PCDHGA3: variants seen among roughly 807,000 people sequenced by gnomAD.
The protein encoded by PCDHGA3 is protocadherin gamma-A3.
PCDHGA3 carries 40 observed loss-of-function variants against 58.5 expected under a neutral mutation model. The observed-to-expected ratio is 0.68, with a 90% CI of 0.53 to 0.89. The LOEUF (loss-of-function observed/expected upper bound fraction) is 0.89. Among genes scored for constraint, PCDHGA3 ranks in the 40% least tolerant of loss-of-function variants. The probability of loss-of-function intolerance (pLI) is 0.00; values close to 1 mark genes in which losing one functional copy is unlikely to be tolerated. For missense variants in PCDHGA3, 1,223 were observed against 1,195.9 expected (o/e 1.02, Z -0.33); for synonymous variants, 530 against 525.7 (o/e 1.01, Z -0.11).
intron 1 of PCDHGA3, chr5:141,478,285 T>G (rs1468354835): frequency 6.2e-7 from 1 of 1,614,040 alleles, no homozygotes; most frequent in Non-Finnish European, 8.5e-7. Context: ...GGAAGCAGTC[T>G]AGAGACCTAT....
At chr5:141,423,076 C>A in intron 1 of PCDHGA3, 1 of 1,614,128 alleles carries the variant, frequency 6.2e-7, no homozygotes, top group Non-Finnish European at 8.5e-7. Context: ...CGAGCCGGGA[C>A]TCTTCGCGGT....
rs556498014 is a variant in PCDHGA3, at chr5:141,368,537, TC to T, written c.2424+22082del. On this transcript the variant is annotated intron_variant, in intron 1 of 3. Coordinates refer to ENST00000253812, the MANE Select transcript of PCDHGA3 (RefSeq NM_018916.4). ...TCACTCCTATGTGAAAACTTGCTTT[TC>T]CATTTTTTTTAAAAGAAAATGTTAT... Among the ~76,000 whole-genome samples the T allele has an allele frequency of 2.0e-3, 312 of 152,342 alleles. 1 individual carries two copies. Among genetic ancestry groups the T allele is most frequent in the Middle Eastern group, 0.01 (3 of 294 alleles).
intron 1 of PCDHGA3, chr5:141,351,711 C>T (rs754862766): frequency 1.2e-6 from 2 of 1,613,916 alleles, no homozygotes; most frequent in Non-Finnish European, 1.7e-6. Flanking sequence ...GGCAGAGTCT[C>T]CTACTCTATT....
At chr5:141,361,317 G>A in intron 1 of PCDHGA3, 2 of 1,613,944 alleles carry the variant, frequency 1.2e-6, no homozygotes, top group Non-Finnish European at 8.5e-7. Flanking sequence ...AGTTTATTTT[G>A]AAATCTTCCT....
chr5:141,409,906 T>G (rs779572711), intron 1 of PCDHGA3: 2 of 1,613,096 alleles, frequency 1.2e-6, no homozygotes, highest in African/African-American at 2.7e-5. Flanking sequence ...CAGCTCTGGG[T>G]CCTGACGGCT....
At chr5:141,463,402 T>C (rs1214124103) in intron 1 of PCDHGA3, among the ~76,000 whole-genome samples, 1 of 149,978 alleles carries the variant, frequency 6.7e-6, no homozygotes, top group African/African-American at 2.5e-5. Context: ...GCAAAAAAAA[T>C]GGAGATCCTA....
intron 1 of PCDHGA3, chr5:141,360,493 G>C: frequency 6.2e-7 from 1 of 1,613,892 alleles, no homozygotes; most frequent in Non-Finnish European, 8.5e-7. Flanking sequence ...TTTCTACATA[G>C]CAGTAATTGT....
At chr5:141,407,117 C>T (rs1412216570) in intron 1 of PCDHGA3, among the ~76,000 whole-genome samples, 1 of 152,098 alleles carries the variant, frequency 6.6e-6, no homozygotes, top group African/African-American at 2.4e-5. Flanking sequence ...ATTTGGGTTT[C>T]AGTTGCTTTA....
rs889945954 is a variant in PCDHGA3, at chr5:141,489,368, C to A, written c.2425-5439C>A. The A allele has an allele frequency of 2.5e-6, 4 of 1,613,384 alleles. No homozygotes were observed. Among genetic ancestry groups the A allele is most frequent in the Non-Finnish European group, 3.4e-6 (4 of 1,179,478 alleles). On this transcript the variant is annotated intron_variant, in intron 1 of 3. Coordinates refer to ENST00000253812, the MANE Select transcript of PCDHGA3 (RefSeq NM_018916.4). The surrounding 1 kb of genome is among the most constrained non-coding windows in gnomAD (Gnocchi z 4.5). ...GTGGTGGAGGAGTCTGAGCCGGGGA[C>A]GCTGGTGGGGAATGTTGCTCAGGAT...
chr5:141,375,925 A>G (rs369035619), intron 1 of PCDHGA3: 178 of 1,613,590 alleles, frequency 1.1e-4, no homozygotes, highest in Admixed American at 2.2e-4. Context: ...CCAGCGAGCC[A>G]GGACTTTTCT....
Position 141,486,388 on chromosome 5 carries a change from C to T in PCDHGA3, c.2425-8419C>T, listed in dbSNP as rs2099628930. ...TCAAGTCTGCCTTCAGGAACCAGTT[C>T]TCCCTGGTGACTGCTGGACCCTTGG... On this transcript the variant is annotated intron_variant, in intron 1 of 3. Coordinates refer to ENST00000253812, the MANE Select transcript of PCDHGA3 (RefSeq NM_018916.4). This position sits in a 1 kb window ranked among gnomAD's most constrained non-coding sequence, Gnocchi z 5.0. 2 of 1,613,988 alleles carry T rather than the reference C, an allele frequency of 1.2e-6. No individual in the cohort carries two copies. The highest frequency in any genetic ancestry group is 2.7e-5 in the African/African-American group (2 of 74,924).
intron 1 of PCDHGA3, among the ~76,000 whole-genome samples, chr5:141,352,913 G>A (rs1445194604): frequency 2.6e-5 from 4 of 152,172 alleles, no homozygotes; most frequent in African/African-American, 7.2e-5. Context: ...GCTTGAGCCC[G>A]GGAGGTGGAG....
chr5:141,467,781 C>G (rs2099151581), intron 1 of PCDHGA3, among the ~76,000 whole-genome samples: 1 of 152,228 alleles, frequency 6.6e-6, no homozygotes, highest in East Asian at 1.9e-4. Context: ...ACCTCAGCCT[C>G]TCAAGTAGCT....
chr5:141,418,429 A>T (rs765952024), intron 1 of PCDHGA3: 2 of 1,613,854 alleles, frequency 1.2e-6, no homozygotes, highest in African/African-American at 2.7e-5. Context: ...ATGGTGGCAA[A>T]TATCCAGAAT....
chr5:141,462,782 T>C (rs1397671639), intron 1 of PCDHGA3, among the ~76,000 whole-genome samples: 1 of 152,220 alleles, frequency 6.6e-6, no homozygotes, highest in Non-Finnish European at 1.5e-5. Flanking sequence ...TCATAATTTG[T>C]TGCTTATTTG....
chr5:141,344,479 G>T lies in PCDHGA3; in HGVS notation c.446G>T (p.Gly149Val), dbSNP rs755137237. 30 of 1,613,788 alleles carry T rather than the reference G, an allele frequency of 1.9e-5. 2 individuals carry two copies. The South Asian group carries it at 3.1e-4, about 17-fold the overall frequency. Residue 149 changes from glycine to valine, a missense_variant, in exon 1 of 4, where the codon GGA becomes GTA. Physicochemically the swap from Gly to Val is moderately radical, Grantham distance 109 (BLOSUM62 -3). Around this residue, in one of 3 missense-constraint regions of PCDHGA3, gnomAD observed 791 missense variants for 708.5 expected, o/e 1.12. Coordinates refer to ENST00000253812, the MANE Select transcript of PCDHGA3 (RefSeq NM_018916.4). ...AAAATTGGTGAACTAACGGTTCCTG[G>T]AACCCGATTTCCAATTAAAACTGCT... ...EIKIGELTVPGTRFPIKTAFD... is the reference protein window; with the variant it reads ...EIKIGELTVPVTRFPIKTAFD...
chr5:141,395,420 T>A, intron 1 of PCDHGA3: 1 of 771,734 alleles, frequency 1.3e-6, no homozygotes, highest in Non-Finnish European at 2.0e-6. Flanking sequence ...ATTGTTTCAT[T>A]TGCTTTTAAA....
intron 1 of PCDHGA3, chr5:141,399,850 C>G (rs768366007): frequency 1.2e-6 from 2 of 1,612,828 alleles, no homozygotes; most frequent in Non-Finnish European, 1.7e-6. Context: ...CGATATGGTG[C>G]CGCGCGCTGC....
intron 1 of PCDHGA3, chr5:141,409,795 G>A (rs764584425): frequency 1.2e-6 from 2 of 1,611,722 alleles, no homozygotes; most frequent in Admixed American, 1.7e-5. Context: ...TCGCGCTCAC[G>A]CTGCAGGCCC....
Sources: allele counts gnomAD v4.1 joint callset (sites outside exome capture counted in the v4.1 genomes callset), GRCh38; gene constraint gnomAD v4.1.1; regional missense constraint gnomAD v4.1.1; non-coding constraint Gnocchi (gnomAD v3.1); transcripts MANE v1.5; gene names NCBI Gene and HGNC (gene_info 2026-07-23, HGNC 2026-07-21).